APBB2: variants seen among roughly 807,000 people sequenced by gnomAD.
APBB2 encodes the protein amyloid beta precursor protein binding family B member 2.
A neutral mutation model predicts 82.5 loss-of-function variants in APBB2; 38 were observed. That is an observed-to-expected ratio of 0.46 (90% confidence interval 0.36 to 0.60). The LOEUF (loss-of-function observed/expected upper bound fraction) is 0.60. APBB2 is among the 20% of genes least tolerant of loss of function. The pLI is 0.00. For missense variants in APBB2, 772 were observed against 972.3 expected, an observed-to-expected ratio of 0.79 and a Z score of 2.74; for synonymous variants, 341 against 368.2, an observed-to-expected ratio of 0.93 and a Z score of 0.85.
chr4:41,099,664 T>C (rs1053456575), intron 3 of APBB2, among the ~76,000 whole-genome samples: 1 of 152,212 alleles, frequency 6.6e-6, no homozygotes, highest in Admixed American at 6.5e-5. Context: ...AATGCTTTCA[T>C]AGAACTAAAG....
intron 1 of APBB2, among the ~76,000 whole-genome samples, chr4:41,196,524 C>G: frequency 1.3e-5 from 2 of 151,544 alleles, no homozygotes; most frequent in African/African-American, 4.9e-5. Context: ...TTCAATTAAG[C>G]ATCTCCCCCA....
intron 3 of APBB2, among the ~76,000 whole-genome samples, chr4:41,094,627 C>T (rs1307297509): frequency 2.0e-5 from 3 of 152,144 alleles, no homozygotes; most frequent in Admixed American, 1.3e-4. Context: ...AGCAGTGGTG[C>T]GATCTTGGCT....
Position 41,038,987 on chromosome 4 carries a change from G to A in APBB2, c.-50-5683C>T, listed in dbSNP as rs570417963. ...CAACTCAGACATGATTTGCACTGCT[G>A]CCAATAACATCAATTGCAAAATGCT... On this transcript the variant is annotated intron_variant, in intron 4 of 17. Coordinates refer to ENST00000508593, the MANE Select transcript of APBB2 (RefSeq NM_004307.2). Among the ~76,000 whole-genome samples the A allele has an allele frequency of 3.9e-5, 6 of 152,320 alleles. No individual in the cohort carries two copies. In the South Asian group the frequency reaches 1.0e-3, roughly 26 times the overall value.
chr4:40,839,443 G>C (rs543013714), intron 12 of APBB2, among the ~76,000 whole-genome samples: 5 of 152,102 alleles, frequency 3.3e-5, no homozygotes, highest in African/African-American at 1.2e-4. Context: ...ATTCTCTGTT[G>C]TTGGGATTCC....
chr4:40,906,782 C>T (rs1244908310), intron 10 of APBB2, among the ~76,000 whole-genome samples: 1 of 152,070 alleles, frequency 6.6e-6, no homozygotes, highest in Non-Finnish European at 1.5e-5. Flanking sequence ...ATGTCTTTTC[C>T]CTTAGGCCAC....
intron 1 of APBB2, among the ~76,000 whole-genome samples, chr4:41,164,641 C>T (rs1209497057): frequency 3.3e-5 from 5 of 152,106 alleles, no homozygotes; most frequent in African/African-American, 9.7e-5. Context: ...ATATAGATTG[C>T]CTGAAAAAGT....
At chr4:40,961,667 TAAAAAAAAAAAAAAAAAAAA>T (rs60942744) in intron 6 of APBB2, among the ~76,000 whole-genome samples, 40 of 68,244 alleles carry the variant, frequency 5.9e-4, no homozygotes, top group Middle Eastern at 0.012. Context: ...AAAAAAGATG[TAAAAAAAAAAAAAAAAAAAA>T]AAAAAAAAAA....
At chr4:41,206,179 T>G (rs1468391440) in intron 1 of APBB2, among the ~76,000 whole-genome samples, 2 of 152,072 alleles carry the variant, frequency 1.3e-5, no homozygotes, top group Non-Finnish European at 2.9e-5. Context: ...TCCTGGGTGG[T>G]AGGCAGGAAT....
chr4:40,903,798 C>G (rs564977096), intron 10 of APBB2, among the ~76,000 whole-genome samples: 75 of 152,310 alleles, frequency 4.9e-4, no homozygotes, highest in African/African-American at 1.7e-3. Flanking sequence ...GTGATCCCGG[C>G]TGCTGCCTAT....
At chr4:41,195,084 C>T in intron 1 of APBB2, among the ~76,000 whole-genome samples, 1 of 152,132 alleles carries the variant, frequency 6.6e-6, no homozygotes, top group Non-Finnish European at 1.5e-5. Context: ...CCAGCCCTAA[C>T]CTGACCGTGC....
At chr4:40,938,607 G>A (rs1461139170) in intron 7 of APBB2, among the ~76,000 whole-genome samples, 1 of 152,154 alleles carries the variant, frequency 6.6e-6, no homozygotes, top group Non-Finnish European at 1.5e-5. Context: ...AAGTCTCAGG[G>A]GCTGGGTATG....
intron 10 of APBB2, among the ~76,000 whole-genome samples, chr4:40,926,693 TC>T (rs780099951): frequency 2.2e-4 from 34 of 152,188 alleles, no homozygotes; most frequent in Admixed American, 2.6e-4. Flanking sequence ...CCTCAGGTGA[TC>T]CGCCACGCCT....
At chr4:40,864,586 T>A (rs573695609) in intron 12 of APBB2, among the ~76,000 whole-genome samples, 145 of 152,334 alleles carry the variant, frequency 9.5e-4, no homozygotes, top group African/African-American at 3.4e-3. Context: ...GAATCTTTGT[T>A]AAGTGGAAGA....
chr4:40,821,648 G>A (rs1747977676), intron 17 of APBB2, among the ~76,000 whole-genome samples: 1 of 152,186 alleles, frequency 6.6e-6, no homozygotes, highest in South Asian at 2.1e-4. Flanking sequence ...AAACTCATCG[G>A]AGCCTCTATC....
chr4:40,902,975 TA>T lies in APBB2; in HGVS notation c.1255-9565del, dbSNP rs918265151. Among the ~76,000 whole-genome samples, 33 of 152,104 alleles carry T rather than the reference TA, an allele frequency of 2.2e-4. No homozygotes were observed. In the South Asian group the frequency reaches 3.9e-3, roughly 18 times the overall value. On this transcript the variant is annotated intron_variant, in intron 10 of 17. Transcript: ENST00000508593. ...GGGTAACAAAGTGAGACATGGTCTG[TA>T]AAAAAAATTTTTTTTAATTAGCCAG...
At chr4:41,073,480 G>A (rs1029689510) in intron 3 of APBB2, among the ~76,000 whole-genome samples, 5 of 151,904 alleles carry the variant, frequency 3.3e-5, no homozygotes, top group African/African-American at 4.8e-5. Flanking sequence ...TATTCTCTTT[G>A]TTTCTTGCCT....
intron 6 of APBB2, among the ~76,000 whole-genome samples, chr4:41,003,918 G>A (rs1369330878): frequency 6.6e-6 from 1 of 152,132 alleles, no homozygotes; most frequent in Non-Finnish European, 1.5e-5. Context: ...TCACCATGTT[G>A]GCCAGGCTGG....
chr4:40,857,159 G>C (rs1015249495), intron 12 of APBB2: 2 of 985,334 alleles, frequency 2.0e-6, no homozygotes, highest in Admixed American at 6.1e-5. Context: ...TCAAGTTGAA[G>C]AGAGCGGCGC....
intron 12 of APBB2, chr4:40,880,667 T>C (rs1052441386): frequency 1.0e-6 from 1 of 985,420 alleles, no homozygotes; most frequent in Non-Finnish European, 1.2e-6. Context: ...GAATCAAACA[T>C]GATAGATCTC....
Sources: gnomAD v4.1 joint callset for allele counts (sites outside exome capture counted in the v4.1 genomes callset) on GRCh38, gnomAD v4.1.1 for gene constraint, MANE v1.5 for transcripts, NCBI Gene and HGNC (gene_info 2026-07-23, HGNC 2026-07-21) for gene names.